Variants in RORA observed in about 807,000 individuals in gnomAD.
RORA encodes the protein RAR related orphan receptor A.
Under a neutral mutation model 69.5 loss-of-function variants are expected in RORA, and 7 were observed. The ratio of observed to expected loss-of-function variants is 0.10; its 90% CI spans 0.06 to 0.19. RORA has a LOEUF of 0.19. Among genes scored for constraint, RORA ranks in the 10% least tolerant of loss-of-function variants. The probability of loss-of-function intolerance (pLI) is 1.00; values close to 1 mark genes in which losing one functional copy is unlikely to be tolerated. For synonymous variants in RORA, 261 were observed against 240.8 expected (o/e 1.08, Z -0.78); for missense variants, 457 against 663.0 (o/e 0.69, Z 3.41).
Position 61,221,224 on chromosome 15 carries a change from G to A in RORA, c.166+7829C>T, listed in dbSNP as rs559620577. Among the ~76,000 whole-genome samples, 4 of 152,294 alleles carry A rather than the reference G, an allele frequency of 2.6e-5. No individual in the cohort carries two copies. The East Asian group carries it at 7.7e-4, about 29-fold the overall frequency. On this transcript the variant is annotated intron_variant, in intron 1 of 10. Transcript: ENST00000335670. ...TGCATTTATGTTTTGGGATCAAGAG[G>A]ATTTCTTCCGTACAACCTAAAATTC...
chr15:60,860,224 T>A (rs1229688036), intron 1 of RORA, among the ~76,000 whole-genome samples: 1 of 152,198 alleles, frequency 6.6e-6, no homozygotes, highest in African/African-American at 2.4e-5. Context: ...AAATCTGTGT[T>A]CTCAAACCAT....
At chr15:60,753,000 G>C (rs796874320) in intron 1 of RORA, among the ~76,000 whole-genome samples, 17 of 152,230 alleles carry the variant, frequency 1.1e-4, no homozygotes, top group African/African-American at 4.1e-4. Context: ...TGTAAAAGTT[G>C]ACTTGAATTT....
At chr15:60,732,016 G>A (rs1446999952) in intron 1 of RORA, among the ~76,000 whole-genome samples, 2 of 152,158 alleles carry the variant, frequency 1.3e-5, no homozygotes, top group Admixed American at 6.5e-5. Flanking sequence ...TGAGTAACCA[G>A]CCTCTTAGAG....
chr15:60,805,562 A>T (rs564504501), intron 1 of RORA, among the ~76,000 whole-genome samples: 20 of 152,324 alleles, frequency 1.3e-4, no homozygotes, highest in Non-Finnish European at 2.4e-4. Flanking sequence ...ACAGGACCCA[A>T]CACATAGAGT....
intron 1 of RORA, among the ~76,000 whole-genome samples, chr15:60,767,250 T>C (rs888909318): frequency 6.6e-6 from 1 of 152,202 alleles, no homozygotes; most frequent in African/African-American, 2.4e-5. Flanking sequence ...CTTGGCTTTC[T>C]TGATATCTTG....
At chr15:61,031,038 C>G (rs1410661774) in intron 1 of RORA, among the ~76,000 whole-genome samples, 1 of 152,148 alleles carries the variant, frequency 6.6e-6, no homozygotes, top group Non-Finnish European at 1.5e-5. Flanking sequence ...AAGACCAAAA[C>G]AGTTGACATC....
At chr15:60,542,798 T>C (rs1283504867) in intron 2 of RORA, among the ~76,000 whole-genome samples, 3 of 151,512 alleles carry the variant, frequency 2.0e-5, no homozygotes, top group Non-Finnish European at 4.4e-5. Flanking sequence ...CTGCCTCCAC[T>C]TGCTGAGAAC....
chr15:60,683,641 T>TACATATACACAC (rs2070688747), intron 1 of RORA, among the ~76,000 whole-genome samples: 1 of 47,858 alleles, frequency 2.1e-5, no homozygotes, highest in African/African-American at 1.2e-4. Flanking sequence ...TTTACCCAGA[T>TACATATACACAC]ACACATACAC....
chr15:60,615,183 A>T (rs1233558508), intron 2 of RORA, among the ~76,000 whole-genome samples: 1 of 152,190 alleles, frequency 6.6e-6, no homozygotes, highest in Non-Finnish European at 1.5e-5. Context: ...GGCAGAGCTG[A>T]TGGCTCTGAT....
intron 1 of RORA, among the ~76,000 whole-genome samples, chr15:60,929,829 C>G (rs1368265213): frequency 3.9e-5 from 6 of 152,142 alleles, no homozygotes; most frequent in Non-Finnish European, 4.4e-5. Context: ...CTCCAGCCCC[C>G]AGAGATACGG....
intron 2 of RORA, chr15:60,558,150 G>T: frequency 9.4e-7 from 1 of 1,066,872 alleles, no homozygotes; most frequent in Non-Finnish European, 1.4e-6. Context: ...GGAAAGGGAG[G>T]CAAACACAAG....
At chr15:60,552,407 A>G (rs1193863049) in intron 2 of RORA, among the ~76,000 whole-genome samples, 1 of 152,190 alleles carries the variant, frequency 6.6e-6, no homozygotes, top group Non-Finnish European at 1.5e-5. Flanking sequence ...TTCATTCTAC[A>G]AAGCCTTTAT....
chr15:61,086,559 G>A (rs2078627683), intron 1 of RORA, among the ~76,000 whole-genome samples: 3 of 152,014 alleles, frequency 2.0e-5, no homozygotes, highest in African/African-American at 7.3e-5. Context: ...AAGAACCACT[G>A]CACAGGGACA....
At chr15:61,002,125 C>G (rs1313374700) in intron 1 of RORA, among the ~76,000 whole-genome samples, 1 of 152,208 alleles carries the variant, frequency 6.6e-6, no homozygotes, top group Non-Finnish European at 1.5e-5. Context: ...GAAATAGAAA[C>G]CATGTCCACA....
At chr15:60,778,617 G>T (rs2072208301) in intron 1 of RORA, among the ~76,000 whole-genome samples, 1 of 152,158 alleles carries the variant, frequency 6.6e-6, no homozygotes, top group South Asian at 2.1e-4. Context: ...TCGGGGCCTT[G>T]AAGGTAGGGG....
chr15:61,123,943 A>C (rs573140499), intron 1 of RORA, among the ~76,000 whole-genome samples: 1 of 152,208 alleles, frequency 6.6e-6, no homozygotes, highest in Non-Finnish European at 1.5e-5. Context: ...AATTCACTTC[A>C]GCCTGCTGCA....
intron 1 of RORA, among the ~76,000 whole-genome samples, chr15:60,824,687 C>T (rs181480343): frequency 5.9e-5 from 9 of 152,280 alleles, no homozygotes; most frequent in Admixed American, 5.9e-4. Flanking sequence ...CTCACTCGTA[C>T]GATTGTTGCT....
chr15:61,029,114 C>G (rs1031253296), intron 1 of RORA, among the ~76,000 whole-genome samples: 1 of 151,936 alleles, frequency 6.6e-6, no homozygotes, highest in African/African-American at 2.4e-5. Flanking sequence ...GAATTATACA[C>G]TCTAGATGGG....
chr15:61,097,850 C>T (rs1357399345), intron 1 of RORA, among the ~76,000 whole-genome samples: 1 of 152,176 alleles, frequency 6.6e-6, no homozygotes, highest in Non-Finnish European at 1.5e-5. Flanking sequence ...TCATTTCAGT[C>T]TGCACAAGAA....
Sources: gnomAD v4.1 joint callset for allele counts (sites outside exome capture counted in the v4.1 genomes callset) on GRCh38, gnomAD v4.1.1 for gene constraint, MANE v1.5 for transcripts, NCBI Gene and HGNC (gene_info 2026-07-23, HGNC 2026-07-21) for gene names.